LHPP: variants seen among roughly 807,000 people sequenced by gnomAD.
The protein encoded by LHPP is hLHPP.
In LHPP, 24 loss-of-function variants were observed where a neutral mutation model predicts 30.3. The ratio of observed to expected loss-of-function variants is 0.79; its 90% confidence interval spans 0.57 to 1.11. LHPP has a LOEUF of 1.11. Among genes scored for constraint, LHPP ranks in the 50% most tolerant of loss-of-function variants. The probability of loss-of-function intolerance (pLI) is 0.00; values close to 1 mark genes in which losing one functional copy is unlikely to be tolerated. For missense variants in LHPP, 356 were observed against 367.2 expected, an observed-to-expected ratio of 0.97 and a Z score of 0.25; for synonymous variants, 150 against 157.1, an observed-to-expected ratio of 0.95 and a Z score of 0.34.
chr10:124,536,612 A>T (rs1955034297), intron 6 of LHPP, among the ~76,000 whole-genome samples: 1 of 152,184 alleles, frequency 6.6e-6, no homozygotes, highest in African/African-American at 2.4e-5. Context: ...GGGCTCTGTG[A>T]GCCAGAGGGC....
At chr10:124,568,948 C>CG (rs1564835323) in intron 6 of LHPP, among the ~76,000 whole-genome samples, 1 of 42,548 alleles carries the variant, frequency 2.4e-5, no homozygotes, top group Non-Finnish European at 6.1e-5. Context: ...ATGTTCTGTC[C>CG]CCCCCACGGC....
chr10:124,468,160 C>T lies in LHPP; in HGVS notation c.125+6173C>T, dbSNP rs998781225. 1.6e-4 allele frequency among the ~76,000 whole-genome samples: 24 copies of T among 152,310 alleles called. 1 individual carries two copies. The highest frequency in any genetic ancestry group is 7.2e-4 in the Admixed American group (11 of 15,296). ...ACGTGATATAGAACTGTCCAACAAA[C>T]GTGCAGATTCCAGGTTGTGACATTG... is the stretch of plus-strand genomic sequence containing the variant. On this transcript the variant is annotated intron_variant, in intron 1 of 6. Transcript: ENST00000368842.
intron 5 of LHPP, among the ~76,000 whole-genome samples, chr10:124,504,141 G>A (rs1469507730): frequency 1.3e-5 from 2 of 151,988 alleles, no homozygotes; most frequent in African/African-American, 2.4e-5. Flanking sequence ...ACAGTGAGCC[G>A]AGATCCTGCC....
chr10:124,578,364 T>A (rs949498782), intron 6 of LHPP, among the ~76,000 whole-genome samples: 14 of 152,246 alleles, frequency 9.2e-5, no homozygotes, highest in Non-Finnish European at 1.3e-4. Flanking sequence ...CAGGCATGGC[T>A]TGGGGTCCTC....
chr10:124,598,833 C>T lies in LHPP; in HGVS notation c.717-14431C>T, dbSNP rs554656096. 2.0e-5 allele frequency among the ~76,000 whole-genome samples: 3 copies of T among 150,680 alleles called. No homozygotes were observed. The East Asian group carries it at 5.9e-4, about 30-fold the overall frequency. ...TCTGTCCATCCCCATCCATCCATCT[C>T]TGTCCATCCATCTGTCCACCTGTCC... On this transcript the variant is annotated intron_variant, in intron 6 of 6. Coordinates refer to ENST00000368842, the MANE Select transcript of LHPP (RefSeq NM_022126.4).
intron 6 of LHPP, among the ~76,000 whole-genome samples, chr10:124,538,535 A>G (rs538675086): frequency 1.3e-5 from 2 of 152,216 alleles, no homozygotes; most frequent in Admixed American, 6.5e-5. Context: ...CCTCCCCCCA[A>G]GTGGTGGGGT....
Position 124,593,307 on chromosome 10 carries a change from C to T in LHPP, c.717-19957C>T, listed in dbSNP as rs1165550995. 4.6e-5 allele frequency among the ~76,000 whole-genome samples: 7 copies of T among 151,198 alleles called. No individual in the cohort carries two copies. Among genetic ancestry groups the T allele is most frequent in the East Asian group, 2.0e-4 (1 of 5,114 alleles). Reference sequence around the variant, plus strand: ...ACCCCATCTGCCCAGAACCAGGCTGCGCTCTCGGGAGGGAAACAGACTCTT... The same window carrying T: ...ACCCCATCTGCCCAGAACCAGGCTGTGCTCTCGGGAGGGAAACAGACTCTT... On this transcript the variant is annotated intron_variant, in intron 6 of 6. Coordinates refer to ENST00000368842, the MANE Select transcript of LHPP (RefSeq NM_022126.4). This position sits in a 1 kb window ranked among gnomAD's most constrained non-coding sequence, Gnocchi z 4.9.
At chr10:124,611,594 C>T (rs1331857027) in intron 6 of LHPP, among the ~76,000 whole-genome samples, 2 of 151,890 alleles carry the variant, frequency 1.3e-5, no homozygotes, top group South Asian at 2.1e-4. Flanking sequence ...CAGGGGAGCC[C>T]ACACTGCCCT....
Position 124,581,495 on chromosome 10 carries a change from C to T in LHPP, c.717-31769C>T, listed in dbSNP as rs867528615. On this transcript the variant is annotated intron_variant, in intron 6 of 6. Coordinates refer to ENST00000368842, the MANE Select transcript of LHPP (RefSeq NM_022126.4). ...TTGCCAGACTATTCAAAAGCAGCTG[C>T]ACCATTTTATGCCATTTTACATTCC... Among the ~76,000 whole-genome samples, 7 of 152,178 alleles carry T rather than the reference C, an allele frequency of 4.6e-5. No individual in the cohort carries two copies. The South Asian group carries it at 1.0e-3, about 22-fold the overall frequency.
At chr10:124,503,185 G>A (rs962310419) in intron 5 of LHPP, among the ~76,000 whole-genome samples, 3 of 151,824 alleles carry the variant, frequency 2.0e-5, no homozygotes, top group Non-Finnish European at 2.9e-5. Flanking sequence ...TCCTGCCTCA[G>A]CCTCTTGAGT....
rs1275804195 is a variant in LHPP, at chr10:124,488,433, G to C, written c.325G>C (p.Glu109Gln). Reference sequence around the variant, plus strand: ...CTCTCTCTTTCCAGGAGTCCGCTCAGAATTTGATCAGATCGACACATCCAA... The same window carrying C: ...CTCTCTCTTTCCAGGAGTCCGCTCACAATTTGATCAGATCGACACATCCAA... ...YLLIHDGVRS[E>Q]FDQIDTSNPN... Residue 109 changes from glutamate to glutamine, a missense_variant, in exon 3 of 7, where the codon GAA becomes CAA. Transcript: ENST00000368842. 6.2e-7 allele frequency: 1 copy of C among 1,614,086 alleles called. No homozygotes were observed. The highest frequency in any genetic ancestry group is 8.5e-7 in the Non-Finnish European group (1 of 1,180,000).
In LHPP at chr10:124,613,739, T is replaced by A. The variant is rs1949233450; in HGVS notation, c.*379T>A. The stretch of plus-strand genomic sequence containing the variant: ...GCCTTTAAATGCAGTAAACTCCACC[T>A]AACCAGATTCAGGGGCACTATGCCC... On this transcript the variant is annotated 3_prime_UTR_variant, in exon 7 of 7. Coordinates refer to ENST00000368842, the MANE Select transcript of LHPP (RefSeq NM_022126.4). The A allele has an allele frequency of 3.6e-6, 1 of 277,990 alleles. No homozygotes were observed. The highest frequency in any genetic ancestry group is 2.2e-5 in the African/African-American group (1 of 46,022). 17.2% of individuals were successfully genotyped at this position (277,990 alleles called of 1,614,324 possible).
chr10:124,483,889 A>G (rs370997607), intron 1 of LHPP, among the ~76,000 whole-genome samples: 138 of 152,130 alleles, frequency 9.1e-4, no homozygotes, highest in African/African-American at 2.9e-3. Flanking sequence ...CCTCAGGTGT[A>G]TGAAGTCCAG....
chr10:124,506,704 G>GACA, intron 5 of LHPP, among the ~76,000 whole-genome samples: 3 of 71,168 alleles, frequency 4.2e-5, no homozygotes, highest in African/African-American at 1.6e-4. Flanking sequence ...TTGGCGGGTA[G>GACA]GGAAGATTTC....
At chr10:124,605,792 C>T (rs1949083865) in intron 6 of LHPP, among the ~76,000 whole-genome samples, 1 of 149,546 alleles carries the variant, frequency 6.7e-6, no homozygotes, top group South Asian at 2.1e-4. Context: ...TTAGGGAAGC[C>T]ACTCTGGCTG....
chr10:124,477,117 C>T (rs752169464), intron 1 of LHPP, among the ~76,000 whole-genome samples: 13 of 152,166 alleles, frequency 8.5e-5, no homozygotes, highest in Non-Finnish European at 1.8e-4. Flanking sequence ...GCAGGAGAAT[C>T]GCTTGAACCT....
chr10:124,568,868 G>C (rs1253740340), intron 6 of LHPP, among the ~76,000 whole-genome samples: 2 of 152,206 alleles, frequency 1.3e-5, no homozygotes, highest in Non-Finnish European at 2.9e-5. Context: ...ATAGAAGTGA[G>C]AGCAGGTGCC....
At chr10:124,507,143 AGAGGATTTCAGGTGGGAGGGTAGG>A (rs1954135843) in intron 5 of LHPP, among the ~76,000 whole-genome samples, 1 of 55,458 alleles carries the variant, frequency 1.8e-5, no homozygotes, top group Non-Finnish European at 3.5e-5. Context: ...GGGGGGTTAG[AGAGGATTTCAGGTGGGAGGGTAGG>A]CAGGATTTCA....
chr10:124,536,596 C>T (rs920527026), intron 6 of LHPP, among the ~76,000 whole-genome samples: 5 of 152,296 alleles, frequency 3.3e-5, no homozygotes, highest in Middle Eastern at 3.4e-3. Context: ...AGAAGAACCT[C>T]CCTGAGGGCT....
Sources: gnomAD v4.1 joint callset for allele counts (sites outside exome capture counted in the v4.1 genomes callset) on GRCh38, gnomAD v4.1.1 for gene constraint, Gnocchi (gnomAD v3.1) non-coding constraint, MANE v1.5 for transcripts, NCBI Gene and HGNC (gene_info 2026-07-23, HGNC 2026-07-21) for gene names.